Variants in EIF2AK2 observed in about 807,000 individuals in gnomAD.
EIF2AK2 encodes eukaryotic translation initiation factor 2 alpha kinase 2.
In EIF2AK2, 40 loss-of-function variants were observed where a neutral mutation model predicts 70.5. The observed-to-expected ratio is 0.57, with a 90% confidence interval of 0.44 to 0.74. The LOEUF (loss-of-function observed/expected upper bound fraction) is 0.74. EIF2AK2 is among the 30% of genes least tolerant of loss of function. The pLI, the probability that EIF2AK2 is intolerant of heterozygous loss-of-function variation, is 0.00. For missense variants in EIF2AK2, 555 were observed against 644.3 expected, an observed-to-expected ratio of 0.86 and a Z score of 1.50; for synonymous variants, 198 against 220.9, an observed-to-expected ratio of 0.90 and a Z score of 0.92.
At chr2:37,139,888 A>G in intron 5 of EIF2AK2, 131 bp from the exon 6 acceptor site, 5 of 951,104 alleles carry the variant, frequency 5.3e-6, no homozygotes, top group Non-Finnish European at 7.5e-6. Context: ...TTTATAGTTC[A>G]TATCTTGCAT....
At chr2:37,152,805 C>T (rs1177118803) in intron 1 of EIF2AK2, among the ~76,000 whole-genome samples, 4 of 152,154 alleles carry the variant, frequency 2.6e-5, no homozygotes, top group Non-Finnish European at 5.9e-5. Flanking sequence ...ACATCTTGAA[C>T]GAACTTTAAA....
chr2:37,138,359 A>G lies in EIF2AK2; in HGVS notation c.598T>C (p.Ser200Pro), dbSNP rs758308670. ...AAGTCACCTTCAGATGATGATTCAG[A>G]AGCGCTAGAAGAAAAGGGTGTAACT... is the stretch of plus-strand genomic sequence containing the variant. ...SNSLVTSTLA[S>P]ESSSEGDFSA... Residue 200 changes from serine (S) to proline (P), a missense_variant, in exon 8 of 17, where the codon TCT becomes CCT. Coordinates refer to ENST00000233057, the MANE Select transcript of EIF2AK2 (RefSeq NM_001135651.3). 1.2e-6 allele frequency: 2 copies of G among 1,613,286 alleles called. No individual in the cohort carries two copies. Among genetic ancestry groups the G allele is most frequent in the South Asian group, 1.1e-5 (1 of 90,916 alleles).
intron 10 of EIF2AK2, among the ~76,000 whole-genome samples, chr2:37,134,728 T>C (rs1342298644): frequency 6.6e-6 from 1 of 152,256 alleles, no homozygotes; most frequent in Admixed American, 6.5e-5. Context: ...TTTCTTTCTG[T>C]ATCTCCAACT....
intron 10 of EIF2AK2, among the ~76,000 whole-genome samples, chr2:37,128,211 A>G (rs1022991723): frequency 6.6e-6 from 1 of 152,194 alleles, no homozygotes; most frequent in Non-Finnish European, 1.5e-5. Flanking sequence ...TTTATATTGA[A>G]TGACCCGCCC....
At chr2:37,129,520 C>T (rs1268845236) in intron 10 of EIF2AK2, among the ~76,000 whole-genome samples, 7 of 152,178 alleles carry the variant, frequency 4.6e-5, no homozygotes, top group South Asian at 2.1e-4. Context: ...CGGCATCCTT[C>T]GCCCCCACAT....
At chr2:37,135,680 G>A (rs1675103299) in intron 9 of EIF2AK2, 134 bp from the exon 10 acceptor site, 1 of 712,468 alleles carries the variant, frequency 1.4e-6, no homozygotes, top group African/African-American at 1.8e-5. Context: ...CCAGCCTGGA[G>A]TGCAGTGGTG....
At chr2:37,145,465 G>A (rs189301561) in intron 4 of EIF2AK2, among the ~76,000 whole-genome samples, 19 of 152,080 alleles carry the variant, frequency 1.2e-4, no homozygotes, top group African/African-American at 4.3e-4. Flanking sequence ...TAGGCTAAGT[G>A]TTATTTGGAA....
Position 37,137,107 on chromosome 2 carries a change from C to CTCCTGTATA in EIF2AK2, c.688-91_688-90insTATACAGGA, listed in dbSNP as rs1186997368. 3 of 1,076,528 alleles carry CTCCTGTATA rather than the reference C, an allele frequency of 2.8e-6. No homozygotes were observed. The African/African-American group carries it at 4.8e-5, about 17-fold the overall frequency. The allele number at this position is 1,076,528 out of a possible 1,614,324, so 66.7% of individuals were successfully genotyped here. On this transcript the variant is annotated intron_variant, in intron 8 of 16. Transcript: ENST00000233057. Reference sequence around the variant, plus strand: ...TCCTTCCTCCTGTATATCTAGATGGCTCTCTGACCAATTTCTTAGTCCATC... The same window carrying CTCCTGTATA: ...TCCTTCCTCCTGTATATCTAGATGGCTCCTGTATATCTCTGACCAATTTCTTAGTCCATC...
At position 37,107,105 on chromosome 2, in the gene EIF2AK2, G is replaced by T; in HGVS notation, c.*168C>A. On this transcript the variant is annotated 3_prime_UTR_variant, in exon 17 of 17. Transcript: ENST00000233057. The stretch of plus-strand genomic sequence containing the variant: ...AGTAAAATGTAAGAATGTTTTTGAA[G>T]CAAAAAGAAGAAAACCTTTCTGTTT... The T allele has an allele frequency of 1.2e-6, 1 of 851,504 alleles. No individual in the cohort carries two copies. Among genetic ancestry groups the T allele is most frequent in the Non-Finnish European group, 1.6e-6 (1 of 607,770 alleles). The allele number at this position is 851,504 out of a possible 1,614,324, so 52.7% of individuals were successfully genotyped here.
At chr2:37,153,366 G>T (rs973725530) in intron 1 of EIF2AK2, among the ~76,000 whole-genome samples, 3 of 64,028 alleles carry the variant, frequency 4.7e-5, no homozygotes, top group African/African-American at 1.2e-4. Context: ...TTTGAGACAG[G>T]GTCTCGCTCT....
intron 1 of EIF2AK2, among the ~76,000 whole-genome samples, chr2:37,151,129 A>G (rs1675726619): frequency 6.6e-6 from 1 of 152,202 alleles, no homozygotes; most frequent in Non-Finnish European, 1.5e-5. Context: ...ACGTTTGTGT[A>G]TCAAAGGACA....
chr2:37,100,712 T>C lies in EIF2AK2; in HGVS notation c.*6561A>G, dbSNP rs1673807724. The C allele has an allele frequency of 6.6e-6, 1 of 152,212 alleles. No individual in the cohort carries two copies. Among genetic ancestry groups the C allele is most frequent in the African/African-American group, 2.4e-5 (1 of 41,450 alleles). The allele number at this position is 152,212 out of a possible 1,614,324, so 9.4% of individuals were successfully genotyped here. On this transcript the variant is annotated 3_prime_UTR_variant, in exon 17 of 17. Transcript: ENST00000233057. ...TTCAGTGGAGACCTTTCCTATCTTG[T>C]ATTTCCTACAGTCTCCTCCTATCTT...
At chr2:37,114,173 CT>C (rs1674255387) in intron 14 of EIF2AK2, among the ~76,000 whole-genome samples, 2 of 152,034 alleles carry the variant, frequency 1.3e-5, no homozygotes, top group South Asian at 4.2e-4. Context: ...TGGTATGTGC[CT>C]CTAGAGTCCT....
At chr2:37,128,535 G>T (rs72860774) in intron 10 of EIF2AK2, among the ~76,000 whole-genome samples, 2 of 152,104 alleles carry the variant, frequency 1.3e-5, no homozygotes, top group Admixed American at 1.3e-4. Context: ...ATGATCAATC[G>T]TGCGCCGGAT....
chr2:37,126,565 A>G (rs1316341992), intron 10 of EIF2AK2, among the ~76,000 whole-genome samples, 154 bp from the exon 11 acceptor site: 1 of 151,882 alleles, frequency 6.6e-6, no homozygotes, highest in Non-Finnish European at 1.5e-5. Context: ...CTTGGCAGAA[A>G]CTCTTGACTC....
At position 37,101,450 on chromosome 2, in the gene EIF2AK2, T is replaced by G. The variant is rs1673823522; in HGVS notation, c.*5823A>C. ...CAGGTGAAAGATTGATGAGAAACTT[T>G]GTAGTAGTTGGTACCACCAGAACTC... On this transcript the variant is annotated 3_prime_UTR_variant, in exon 17 of 17. Coordinates refer to ENST00000233057, the MANE Select transcript of EIF2AK2 (RefSeq NM_001135651.3). The G allele has an allele frequency of 6.6e-6, 1 of 152,222 alleles. No homozygotes were observed. 9.4% of individuals were successfully genotyped at this position (152,222 alleles called of 1,614,324 possible).
intron 8 of EIF2AK2, among the ~76,000 whole-genome samples, chr2:37,137,768 A>G (rs1250443911): frequency 6.6e-6 from 1 of 152,204 alleles, no homozygotes; most frequent in Non-Finnish European, 1.5e-5. Flanking sequence ...GAGGAAAGAC[A>G]GAAGTGACGT....
intron 1 of EIF2AK2, among the ~76,000 whole-genome samples, chr2:37,155,770 G>A (rs1320224221): frequency 4.6e-5 from 7 of 151,972 alleles, no homozygotes; most frequent in Admixed American, 4.6e-4. Flanking sequence ...GTGAAACCCT[G>A]TCTCTACTAA....
intron 11 of EIF2AK2, among the ~76,000 whole-genome samples, chr2:37,124,269 G>A (rs886975396): frequency 1.3e-5 from 2 of 151,612 alleles, no homozygotes; most frequent in African/African-American, 2.4e-5. Flanking sequence ...CACCCAGCCA[G>A]TCATTTTTTT....
Sources: gnomAD v4.1 joint callset for allele counts (sites outside exome capture counted in the v4.1 genomes callset) on GRCh38, gnomAD v4.1.1 for gene constraint, MANE v1.5 for transcripts, NCBI Gene and HGNC (gene_info 2026-07-23, HGNC 2026-07-21) for gene names.